The following FOXP4 variants were observed in gnomAD, a reference collection of about 807,000 sequenced individuals.
FOXP4 encodes forkhead box P4, also known as forkhead box protein P4.
A neutral mutation model predicts 82.6 loss-of-function variants in FOXP4; 25 were observed. The observed-to-expected ratio is 0.30, with a 90% CI of 0.22 to 0.42. The LOEUF (loss-of-function observed/expected upper bound fraction) is 0.42. Among genes scored for constraint, FOXP4 ranks in the 10% least tolerant of loss-of-function variants. The pLI, the probability that FOXP4 is intolerant of heterozygous loss-of-function variation, is 1.00. For synonymous variants in FOXP4, 415 were observed against 388.2 expected (o/e 1.07, Z -0.81); for missense variants, 785 against 900.9 (o/e 0.87, Z 1.65).
In FOXP4 at chr6:41,591,405, T is replaced by C; in HGVS notation, c.1536+83T>C. The C allele has an allele frequency of 8.3e-7, 1 of 1,207,210 alleles. No homozygotes were observed. Among genetic ancestry groups the C allele is most frequent in the Non-Finnish European group, 1.2e-6 (1 of 842,816 alleles). The allele number at this position is 1,207,210 out of a possible 1,614,324, so 74.8% of individuals were successfully genotyped here. On this transcript the variant is annotated intron_variant, in intron 13 of 16. Transcript: ENST00000307972. The surrounding 1 kb of genome is among the most constrained non-coding windows in gnomAD (Gnocchi z 4.2). ...CATGGAGACCAAGGCTGCCTAACAA[T>C]TAGTTCCCTAAACCATTAGTCCTGC...
chr6:41,549,532 TCTTC>T (rs1200301336), intron 1 of FOXP4, among the ~76,000 whole-genome samples: 2 of 151,886 alleles, frequency 1.3e-5, no homozygotes, highest in African/African-American at 4.8e-5. Context: ...CAAACATACC[TCTTC>T]CTTGGTGGGA....
intron 1 of FOXP4, among the ~76,000 whole-genome samples, chr6:41,560,569 C>A (rs1336488414): frequency 6.6e-6 from 1 of 152,202 alleles, no homozygotes. Context: ...CGCCCAGGAG[C>A]GCGCTGGGGG....
intron 13 of FOXP4, among the ~76,000 whole-genome samples, chr6:41,594,148 C>T (rs538851849): frequency 3.2e-4 from 49 of 152,296 alleles, no homozygotes; most frequent in African/African-American, 1.2e-3. Flanking sequence ...AACCAGATGA[C>T]CTCAATTCTT....
chr6:41,554,536 G>C (rs1232842252), intron 1 of FOXP4, among the ~76,000 whole-genome samples: 1 of 152,170 alleles, frequency 6.6e-6, no homozygotes, highest in Non-Finnish European at 1.5e-5. Flanking sequence ...TCCTCAAGGA[G>C]AATCTAGTGT....
rs117033892 is a variant in FOXP4, at chr6:41,559,396, G to A, written c.-16-6349G>A. Among the ~76,000 whole-genome samples, 114 of 152,330 alleles carry A rather than the reference G, an allele frequency of 7.5e-4. No homozygotes were observed. In the East Asian group the frequency reaches 0.018, roughly 23 times the overall value. On this transcript the variant is annotated intron_variant, in intron 1 of 16. Transcript: ENST00000307972. ...ATGAATGGATGAAGGGTCATTGCTG[G>A]TGAAACATGCTCCTGGCCAACCACT...
chr6:41,583,751 C>T (rs1765936075), intron 3 of FOXP4, among the ~76,000 whole-genome samples: 1 of 152,196 alleles, frequency 6.6e-6, no homozygotes, highest in South Asian at 2.1e-4. Context: ...CTGAGACCTG[C>T]CTGTCCATGA....
intron 1 of FOXP4, among the ~76,000 whole-genome samples, chr6:41,560,720 AAATT>A (rs543348084): frequency 0.012 from 1,759 of 152,364 alleles, 20 homozygotes; most frequent in Non-Finnish European, 0.016. Flanking sequence ...ACGTCAATAA[AAATT>A]AATTGATGAG....
Position 41,588,655 on chromosome 6 carries a change from C to G in FOXP4, c.989C>G (p.Thr330Arg), listed in dbSNP as rs376938850. ...TCTTCCCCTTGAAGACACCTCAACACAGAGCACGCCCTGGATGACCGGAGT... is the reference window on the plus strand; with the variant it reads ...TCTTCCCCTTGAAGACACCTCAACAGAGAGCACGCCCTGGATGACCGGAGT... ...DLGQFIKHLN[T>R]EHALDDRSTA... The change falls in exon 9 of 17, where the codon ACA becomes AGA. Residue 330 changes from threonine (T) to arginine (R), a missense_variant. Physicochemically the swap from Thr to Arg is moderately conservative, Grantham distance 71. This residue lies in a region of FOXP4 where 570 missense variants were observed against 634.0 expected (regional missense o/e 0.90). Transcript: ENST00000307972. The G allele has an allele frequency of 1.2e-6, 2 of 1,614,030 alleles. No individual in the cohort carries two copies. The highest frequency in any genetic ancestry group is 2.7e-5 in the African/African-American group (2 of 74,936).
chr6:41,573,248 C>A (rs1012433858), intron 2 of FOXP4, among the ~76,000 whole-genome samples: 4 of 152,170 alleles, frequency 2.6e-5, no homozygotes, highest in African/African-American at 9.7e-5. Flanking sequence ...TCCCACCCCC[C>A]ACTCCACCAA....
At chr6:41,578,601 C>T (rs1765628858) in intron 3 of FOXP4, among the ~76,000 whole-genome samples, 1 of 151,308 alleles carries the variant, frequency 6.6e-6, no homozygotes. Context: ...CTCTTGATGT[C>T]TCTCTGTCTC....
intron 2 of FOXP4, among the ~76,000 whole-genome samples, chr6:41,576,329 C>T (rs1249078066): frequency 6.6e-6 from 1 of 152,138 alleles, no homozygotes; most frequent in Non-Finnish European, 1.5e-5. Flanking sequence ...TTTAAAGCCT[C>T]AGGAGGCTCG....
At chr6:41,592,654 A>G (rs1581785415) in intron 13 of FOXP4, among the ~76,000 whole-genome samples, 1 of 152,206 alleles carries the variant, frequency 6.6e-6, no homozygotes, top group East Asian at 1.9e-4. Flanking sequence ...CCTCCTTTCC[A>G]TAAGACAGCC....
intron 1 of FOXP4, among the ~76,000 whole-genome samples, chr6:41,552,442 G>T (rs1413274165): frequency 6.6e-6 from 1 of 152,198 alleles, no homozygotes; most frequent in Non-Finnish European, 1.5e-5. Context: ...GCCATGCTGA[G>T]GGTGTAGAGT....
chr6:41,550,377 G>A (rs1004117636), intron 1 of FOXP4, among the ~76,000 whole-genome samples: 4 of 152,294 alleles, frequency 2.6e-5, no homozygotes, highest in Middle Eastern at 3.4e-3. Context: ...AAGGGATGGC[G>A]TTTATTATTA....
Position 41,591,751 on chromosome 6 carries a change from A to G in FOXP4, c.1536+429A>G, listed in dbSNP as rs1159741678. On this transcript the variant is annotated intron_variant, in intron 13 of 16. Coordinates refer to ENST00000307972, the MANE Select transcript of FOXP4 (RefSeq NM_001012426.2). The surrounding 1 kb of genome is among the most constrained non-coding windows in gnomAD (Gnocchi z 4.2). ...GAGGTGGGGCTAGGAAAGCGCAGGT[A>G]TAGACACACGGATGGACCAAGAGCC... 6.6e-6 allele frequency among the ~76,000 whole-genome samples: 1 copy of G among 152,222 alleles called. No individual in the cohort carries two copies. Among genetic ancestry groups the G allele is most frequent in the East Asian group, 1.9e-4 (1 of 5,196 alleles).
At chr6:41,589,878 C>G in intron 10 of FOXP4, 24 bp downstream of exon 10, 1 of 1,611,230 alleles carries the variant, frequency 6.2e-7, no homozygotes. Context: ...CCCTCCCCGC[C>G]CCTCCCAGAG....
intron 2 of FOXP4, among the ~76,000 whole-genome samples, 191 bp downstream of exon 2, chr6:41,566,155 A>G (rs553386458): frequency 5.9e-5 from 9 of 152,290 alleles, no homozygotes; most frequent in Non-Finnish European, 1.2e-4. Flanking sequence ...CTAGGCTACC[A>G]CAGCATTTTC....
rs1237336212 is a variant in FOXP4 at position 41,590,302 on chromosome 6, C to G, written c.1389C>G (p.Asn463Lys). 3 of 1,613,898 alleles carry G rather than the reference C, an allele frequency of 1.9e-6. No individual in the cohort carries two copies. The highest frequency in any genetic ancestry group is 1.7e-6 in the Non-Finnish European group (2 of 1,179,994). The part of the protein sequence containing the change: ...ELAQNHEFYK[N>K]ADVRPPFTYA... ...CCCAGAATCATGAGTTCTACAAGAACGCCGACGTCCGGCCCCCCTTCACCT... is the reference window on the plus strand; with the variant it reads ...CCCAGAATCATGAGTTCTACAAGAAGGCCGACGTCCGGCCCCCCTTCACCT... The change falls in exon 12 of 17, where the codon AAC becomes AAG. Residue 463 changes from asparagine to lysine, a missense_variant. By Grantham distance (94) the Asn-to-Lys change is moderately conservative. This residue lies in a region of FOXP4 where 570 missense variants were observed against 634.0 expected (regional missense o/e 0.90). Transcript: ENST00000307972.
intron 3 of FOXP4, among the ~76,000 whole-genome samples, chr6:41,581,821 C>A (rs1765819038): frequency 6.6e-6 from 1 of 152,246 alleles, no homozygotes; most frequent in Non-Finnish European, 1.5e-5. Context: ...GCCAAGGAGG[C>A]CTTCCAAGGT....
Sources: gnomAD v4.1 joint callset for allele counts (sites outside exome capture counted in the v4.1 genomes callset) on GRCh38, gnomAD v4.1.1 for gene constraint, gnomAD v4.1.1 regional missense constraint, Gnocchi (gnomAD v3.1) non-coding constraint, MANE v1.5 for transcripts, NCBI Gene and HGNC (gene_info 2026-07-23, HGNC 2026-07-21) for gene names.